GNAQ: variants seen among roughly 807,000 people sequenced by gnomAD.
The protein encoded by GNAQ is G protein subunit alpha q, also known as guanine nucleotide-binding protein G(q) subunit alpha.
A neutral mutation model predicts 43.9 loss-of-function variants in GNAQ; 8 were observed. The ratio of observed to expected loss-of-function variants is 0.18; its 90% CI spans 0.11 to 0.33. The LOEUF is 0.33. GNAQ is among the 10% of genes least tolerant of loss of function. The probability of loss-of-function intolerance (pLI) is 1.00; values close to 1 mark genes in which losing one functional copy is unlikely to be tolerated. For missense variants in GNAQ, 158 were observed against 450.8 expected (o/e 0.35, Z 5.88); for synonymous variants, 155 against 170.7 (o/e 0.91, Z 0.71).
chr9:77,861,741 G>T (rs903586078), intron 2 of GNAQ, among the ~76,000 whole-genome samples: 1 of 152,114 alleles, frequency 6.6e-6, no homozygotes, highest in African/African-American at 2.4e-5. Flanking sequence ...GGTGGCTCAC[G>T]CCTATAATCC....
intron 2 of GNAQ, among the ~76,000 whole-genome samples, chr9:77,888,273 G>C (rs1828343848): frequency 6.6e-6 from 1 of 152,064 alleles, no homozygotes; most frequent in South Asian, 2.1e-4. Flanking sequence ...ATATAAAGAG[G>C]TGCTAAGATT....
intron 5 of GNAQ, among the ~76,000 whole-genome samples, chr9:77,779,315 T>A (rs1826351574): frequency 6.6e-6 from 1 of 151,926 alleles, no homozygotes. Flanking sequence ...CAGTTCTACA[T>A]AACACATGGG....
intron 2 of GNAQ, among the ~76,000 whole-genome samples, chr9:77,819,151 C>T (rs529143253): frequency 6.6e-6 from 1 of 151,772 alleles, no homozygotes; most frequent in South Asian, 2.1e-4. Context: ...TGCTAGCTTT[C>T]AGAATTCTTA....
At chr9:77,933,582 T>A (rs1046557101) in intron 1 of GNAQ, among the ~76,000 whole-genome samples, 1 of 151,688 alleles carries the variant, frequency 6.6e-6, no homozygotes, top group African/African-American at 2.4e-5. Flanking sequence ...GAGGCAGAGG[T>A]TGCAGTGACC....
chr9:77,729,937 T>G (rs1825462363), intron 5 of GNAQ, among the ~76,000 whole-genome samples: 1 of 152,194 alleles, frequency 6.6e-6, no homozygotes, highest in South Asian at 2.1e-4. Context: ...GCAATTCAAC[T>G]AGGCCAATTA....
At chr9:77,790,870 G>A (rs560147800) in intron 5 of GNAQ, among the ~76,000 whole-genome samples, 3 of 152,294 alleles carry the variant, frequency 2.0e-5, no homozygotes, top group African/African-American at 7.2e-5. Context: ...TCCCCGCCAC[G>A]GTGAGGTCAG....
At chr9:77,721,636 C>G in intron 6 of GNAQ, 123 bp from the exon 7 acceptor site, 1 of 654,464 alleles carries the variant, frequency 1.5e-6, no homozygotes. Context: ...CAGATTTGAT[C>G]TGTTATAATC....
intron 1 of GNAQ, among the ~76,000 whole-genome samples, chr9:78,000,822 G>C (rs1290977776): frequency 6.6e-6 from 1 of 151,922 alleles, no homozygotes; most frequent in Non-Finnish European, 1.5e-5. Flanking sequence ...CTCTTAAATG[G>C]CACATCCAAA....
chr9:77,802,572 A>C (rs1471547046), intron 3 of GNAQ, among the ~76,000 whole-genome samples: 1 of 151,942 alleles, frequency 6.6e-6, no homozygotes, highest in Non-Finnish European at 1.5e-5. Flanking sequence ...AACCACACCG[A>C]GGTCTGAACA....
chr9:77,966,662 T>C (rs1823171591), intron 1 of GNAQ, among the ~76,000 whole-genome samples: 1 of 152,132 alleles, frequency 6.6e-6, no homozygotes, highest in Non-Finnish European at 1.5e-5. Context: ...TTATTCATCA[T>C]AAAGTCAGGA....
chr9:77,999,882 A>G (rs548252293), intron 1 of GNAQ, among the ~76,000 whole-genome samples: 36 of 152,312 alleles, frequency 2.4e-4, no homozygotes, highest in African/African-American at 7.7e-4. Context: ...GTTCCCTAGT[A>G]GGAAAAAATG....
intron 6 of GNAQ, among the ~76,000 whole-genome samples, chr9:77,726,639 A>G (rs1406861096): frequency 6.6e-6 from 1 of 152,348 alleles, no homozygotes; most frequent in East Asian, 1.9e-4. Context: ...TCCATCCTGG[A>G]TATCATATGT....
chr9:77,976,731 C>T (rs1001038874), intron 1 of GNAQ, among the ~76,000 whole-genome samples: 4 of 152,120 alleles, frequency 2.6e-5, no homozygotes, highest in African/African-American at 7.2e-5. Context: ...TTAAGCTTTT[C>T]GATTAGTTGG....
chr9:78,017,444 A>C (rs1823853401), intron 1 of GNAQ, among the ~76,000 whole-genome samples: 1 of 152,234 alleles, frequency 6.6e-6, no homozygotes, highest in Non-Finnish European at 1.5e-5. Flanking sequence ...TGAATGAAAA[A>C]AATCCAATTA....
intron 2 of GNAQ, among the ~76,000 whole-genome samples, chr9:77,831,441 C>G (rs1827296124): frequency 6.6e-6 from 1 of 152,162 alleles, no homozygotes. Context: ...AACCATCATT[C>G]ATATCATTGA....
intron 1 of GNAQ, among the ~76,000 whole-genome samples, chr9:77,984,302 T>C (rs1169548906): frequency 6.6e-6 from 1 of 151,688 alleles, no homozygotes; most frequent in African/African-American, 2.4e-5. Context: ...CCTGAGTAGC[T>C]GAGACTACTG....
At chr9:77,931,558 T>C (rs985824945) in intron 1 of GNAQ, among the ~76,000 whole-genome samples, 5 of 151,004 alleles carry the variant, frequency 3.3e-5, no homozygotes, top group Admixed American at 1.3e-4. Flanking sequence ...GCCACTGCAC[T>C]CCAGCCTGGG....
chr9:77,998,844 T>C (rs2118543596), intron 1 of GNAQ, among the ~76,000 whole-genome samples: 2 of 152,088 alleles, frequency 1.3e-5, no homozygotes, highest in South Asian at 4.1e-4. Context: ...CCCAGCACTT[T>C]AGAAGGCCAA....
At chr9:77,948,345 C>G (rs1822930718) in intron 1 of GNAQ, among the ~76,000 whole-genome samples, 1 of 152,210 alleles carries the variant, frequency 6.6e-6, no homozygotes, top group Non-Finnish European at 1.5e-5. Context: ...CACTGGACTG[C>G]AGGCTCACTA....
Sources: allele counts gnomAD v4.1 joint callset (sites outside exome capture counted in the v4.1 genomes callset), GRCh38; gene constraint gnomAD v4.1.1; transcripts MANE v1.5; gene names NCBI Gene and HGNC (gene_info 2026-07-23, HGNC 2026-07-21).